Variants in MTFR1 observed in about 807,000 individuals in gnomAD.
MTFR1 encodes the protein mitochondrial fission regulator 1, also known as chondrocyte protein with a poly-proline region.
Under a neutral mutation model 38.8 loss-of-function variants are expected in MTFR1, and 28 were observed. That is an observed-to-expected ratio of 0.72 (90% CI 0.53 to 0.99). The LOEUF (loss-of-function observed/expected upper bound fraction) is 0.99. Ranked by LOEUF, MTFR1 falls within the 50% of genes least tolerant of loss-of-function variation. The pLI, the probability that MTFR1 is intolerant of heterozygous loss-of-function variation, is 0.00. For synonymous variants in MTFR1, 145 were observed against 137.0 expected (o/e 1.06, Z -0.41); for missense variants, 358 against 395.5 (o/e 0.91, Z 0.81).
chr8:65,694,824 A>G (rs1179328234), intron 4 of MTFR1, among the ~76,000 whole-genome samples: 2 of 152,238 alleles, frequency 1.3e-5, no homozygotes, highest in Non-Finnish European at 2.9e-5. Context: ...AGCCAAGTAA[A>G]TGGAAGGCTG....
At chr8:65,659,256 T>G (rs1398703590) in intron 1 of MTFR1, among the ~76,000 whole-genome samples, 4 of 152,108 alleles carry the variant, frequency 2.6e-5, no homozygotes, top group Non-Finnish European at 5.9e-5. Context: ...TTTTGGTTAG[T>G]GTCTGTTGGA....
chr8:65,668,400 T>C (rs140763255), intron 1 of MTFR1, among the ~76,000 whole-genome samples: 6,197 of 150,272 alleles, frequency 0.041, 188 homozygotes, highest in Non-Finnish European at 0.062. Context: ...GTTGGCCAGG[T>C]TGGTCTCAAA....
the MTFR1 span, among the ~76,000 whole-genome samples, chr8:65,777,867 T>C: frequency 1.3e-5 from 2 of 152,196 alleles, no homozygotes; most frequent in African/African-American, 4.8e-5. Context: ...TCTGGTACAC[T>C]TAGGTGTGAT....
At chr8:65,744,923 C>T (rs1433697460) in intron 3 of MTFR1, among the ~76,000 whole-genome samples, 2 of 152,096 alleles carry the variant, frequency 1.3e-5, no homozygotes, top group East Asian at 1.9e-4. Context: ...AAATGATGCT[C>T]CCTGATATGG....
In MTFR1 at chr8:65,707,066, C is replaced by T. The variant is rs1249214768; in HGVS notation, c.574C>T (p.Pro192Ser). Reference sequence around the variant, plus strand: ...ACCACCACACCCTCCACCTCCCCCACCGCCCCTGCCTCCCCCTGCACTGGG... The same window carrying T: ...ACCACCACACCCTCCACCTCCCCCATCGCCCCTGCCTCCCCCTGCACTGGG... ...TIPPHPPPPP[P>S]PLPPPALGLH... The change falls in exon 6 of 8, where the codon CCG becomes TCG. Residue 192 changes from proline to serine, a missense_variant. Physicochemically the swap from Pro to Ser is moderately conservative, Grantham distance 74. Transcript: ENST00000262146. The T allele has an allele frequency of 6.2e-7, 1 of 1,604,242 alleles. No individual in the cohort carries two copies. Among genetic ancestry groups the T allele is most frequent in the Non-Finnish European group, 8.5e-7 (1 of 1,173,460 alleles).
chr8:65,660,223 G>A (rs560332801), intron 1 of MTFR1, among the ~76,000 whole-genome samples: 1 of 151,466 alleles, frequency 6.6e-6, no homozygotes, highest in East Asian at 1.9e-4. Context: ...CCTGGGAGGT[G>A]GAGGTTGTGG....
intron 3 of MTFR1, among the ~76,000 whole-genome samples, chr8:65,744,601 C>G (rs1224477007): frequency 6.6e-6 from 1 of 152,188 alleles, no homozygotes; most frequent in Non-Finnish European, 1.5e-5. Flanking sequence ...CTTAAAGAAG[C>G]TACAGCTCTT....
At chr8:65,661,734 C>T (rs1040833272) in intron 1 of MTFR1, among the ~76,000 whole-genome samples, 3 of 151,788 alleles carry the variant, frequency 2.0e-5, no homozygotes, top group African/African-American at 2.4e-5. Context: ...GAAGCCGAGG[C>T]GGGAGGATCA....
intron 3 of MTFR1, chr8:65,734,893 A>G (rs1411293682): frequency 1.5e-5 from 24 of 1,588,574 alleles, no homozygotes; most frequent in Non-Finnish European, 2.1e-5. Context: ...CTTGAATCAT[A>G]ACTGCATCAA....
rs1442191724 is a variant in MTFR1 at position 65,710,326 on chromosome 8, ATTGT to A, written c.*1284_*1287del. On this transcript the variant is annotated 3_prime_UTR_variant, in exon 8 of 8. Transcript: ENST00000262146. ...TGATTTGGGGAAATGACATGGCTTG[ATTGT>A]TCTGTTTAAATTTGTACTGTGGCTT... 2 of 152,372 alleles carry A rather than the reference ATTGT, an allele frequency of 1.3e-5. No homozygotes were observed. The highest frequency in any genetic ancestry group is 2.4e-5 in the African/African-American group (1 of 41,548). 9.4% of individuals were successfully genotyped at this position (152,372 alleles called of 1,614,324 possible).
intron 3 of MTFR1, among the ~76,000 whole-genome samples, chr8:65,765,326 A>G (rs1023863812): frequency 2.0e-5 from 3 of 150,698 alleles, no homozygotes; most frequent in African/African-American, 7.3e-5. Context: ...CGTCTCTACT[A>G]AAAATACAAA....
chr8:65,727,150 G>T, intron 3 of MTFR1: 1 of 1,356,172 alleles, frequency 7.4e-7, no homozygotes, highest in Non-Finnish European at 1.0e-6. Context: ...AATAAATCTT[G>T]ATGATAAAAT....
chr8:65,744,158 TAAG>T (rs1159178212), intron 3 of MTFR1, among the ~76,000 whole-genome samples: 1 of 151,736 alleles, frequency 6.6e-6, no homozygotes. Context: ...TACCAGTGAA[TAAG>T]AACACAAATC....
At chr8:65,746,734 T>G (rs1807693925) in intron 3 of MTFR1, among the ~76,000 whole-genome samples, 1 of 152,078 alleles carries the variant, frequency 6.6e-6, no homozygotes, top group Non-Finnish European at 1.5e-5. Flanking sequence ...GACATAGAGA[T>G]CAATATTCTC....
intron 4 of MTFR1, among the ~76,000 whole-genome samples, chr8:65,698,466 A>ATT (rs1221184255): frequency 2.6e-5 from 4 of 151,842 alleles, no homozygotes; most frequent in Non-Finnish European, 4.4e-5. Flanking sequence ...TTTCAAGTTA[A>ATT]TTTTTTCATA....
intron 1 of MTFR1, among the ~76,000 whole-genome samples, chr8:65,662,571 G>C (rs1327267612): frequency 1.4e-5 from 2 of 142,730 alleles, no homozygotes; most frequent in Non-Finnish European, 3.2e-5. Flanking sequence ...CGTCTGGGAT[G>C]TGAGGAGCCT....
intron 2 of MTFR1, among the ~76,000 whole-genome samples, chr8:65,678,014 CAAAAA>C (rs1328897906): frequency 1.3e-5 from 1 of 78,402 alleles, no homozygotes; most frequent in Admixed American, 1.5e-4. Flanking sequence ...GACTCTGTCT[CAAAAA>C]AAAAAAAAAA....
At chr8:65,741,923 AAC>A (rs1807453112) in intron 3 of MTFR1, among the ~76,000 whole-genome samples, 1 of 152,358 alleles carries the variant, frequency 6.6e-6, no homozygotes, top group East Asian at 1.9e-4. Flanking sequence ...GCAGTGAAGA[AAC>A]ACATGTAATG....
At chr8:65,659,098 G>GT (rs1563434248) in intron 1 of MTFR1, among the ~76,000 whole-genome samples, 1 of 152,272 alleles carries the variant, frequency 6.6e-6, no homozygotes, top group East Asian at 1.9e-4. Flanking sequence ...AGAGAGCACT[G>GT]TGAAGAAGTT....
Sources: allele counts gnomAD v4.1 joint callset (sites outside exome capture counted in the v4.1 genomes callset), GRCh38; gene constraint gnomAD v4.1.1; transcripts MANE v1.5; gene names NCBI Gene and HGNC (gene_info 2026-07-23, HGNC 2026-07-21).